SPAG17: variants seen among roughly 807,000 people sequenced by gnomAD.
The protein encoded by SPAG17 is sperm associated antigen 17, also known as sperm-associated antigen 17.
Under a neutral mutation model 273.6 loss-of-function variants are expected in SPAG17, and 169 were observed. The observed-to-expected ratio is 0.62, with a 90% confidence interval of 0.55 to 0.70. The LOEUF (loss-of-function observed/expected upper bound fraction) is 0.70. Among genes scored for constraint, SPAG17 ranks in the 30% least tolerant of loss-of-function variants. The pLI is 0.00. For synonymous variants in SPAG17, 825 were observed against 873.2 expected (o/e 0.94, Z 0.97); for missense variants, 2,557 against 2,627.8 (o/e 0.97, Z 0.59).
At chr1:118,121,933 T>C (rs537334549) in intron 3 of SPAG17, among the ~76,000 whole-genome samples, 22 of 152,356 alleles carry the variant, frequency 1.4e-4, no homozygotes, top group Admixed American at 1.4e-3. Flanking sequence ...TCTATCTAAT[T>C]ATCCTGCAGC....
chr1:117,955,292 T>A, intron 48 of SPAG17: 2 of 1,601,922 alleles, frequency 1.2e-6, no homozygotes, highest in Non-Finnish European at 1.7e-6. Context: ...GTATCACTAA[T>A]GGTATTAATC....
chr1:118,021,197 A>C (rs962773229), intron 28 of SPAG17, among the ~76,000 whole-genome samples: 4 of 152,204 alleles, frequency 2.6e-5, no homozygotes, highest in Admixed American at 2.6e-4. Flanking sequence ...ATATCAATTA[A>C]ATTAATATCA....
rs373068220 is a variant in SPAG17 at position 118,081,206 on chromosome 1, T to C, written c.2104A>G (p.Met702Val). The C allele has an allele frequency of 1.3e-4, 207 of 1,614,016 alleles. 4 individuals are homozygous for C. The South Asian group carries it at 1.4e-3, about 11-fold the overall frequency. The stretch of plus-strand genomic sequence containing the variant: ...AGATTATTCAAGTCAGAATGCTTCA[T>C]ATTGTTAGCATCACACTGACTAGGA... ...SDPSQCDANN[M>V]KHSDLNNLKL... is the part of the protein sequence containing the mutation. The change falls in exon 15 of 49, where the codon ATG becomes GTG. Residue 702 changes from methionine (M) to valine (V), a missense_variant. Coordinates refer to ENST00000336338, the MANE Select transcript of SPAG17 (RefSeq NM_206996.4).
In SPAG17 at chr1:118,107,171, G is replaced by T. The variant is rs542979534; in HGVS notation, c.448-5245C>A. ...ACACACAACTGTGGTAGAGAGTGCT[G>T]GTCTGACTTCAAACCCTAAACTCAT... On this transcript the variant is annotated intron_variant, in intron 4 of 48. Coordinates refer to ENST00000336338, the MANE Select transcript of SPAG17 (RefSeq NM_206996.4). Among the ~76,000 whole-genome samples the T allele has an allele frequency of 4.8e-4, 73 of 152,192 alleles. 1 individual carries two copies. The highest frequency in any genetic ancestry group is 4.8e-3 in the Admixed American group (73 of 15,282).
intron 48 of SPAG17, chr1:117,959,575 G>A (rs756952403): frequency 3.8e-6 from 4 of 1,056,482 alleles, no homozygotes; most frequent in Non-Finnish European, 5.1e-6. Context: ...ATGATATCAG[G>A]ATGTGGTTTC....
chr1:118,091,210 G>A (rs1655348940), intron 10 of SPAG17, among the ~76,000 whole-genome samples: 1 of 152,064 alleles, frequency 6.6e-6, no homozygotes, highest in African/African-American at 2.4e-5. Context: ...AAAAGCTGAT[G>A]ACAAAAATTG....
chr1:117,955,506 T>C (rs983082564), intron 48 of SPAG17: 2 of 744,184 alleles, frequency 2.7e-6, no homozygotes, highest in Non-Finnish European at 4.1e-6. Flanking sequence ...TAATTTATAA[T>C]GTTCTTTTTG....
intron 35 of SPAG17, 134 bp from the exon 36 acceptor site, chr1:117,992,782 T>A: frequency 2.5e-6 from 2 of 799,874 alleles, no homozygotes; most frequent in Non-Finnish European, 3.7e-6. Context: ...AAAAAATCCT[T>A]AACCTCAAAA....
intron 32 of SPAG17, among the ~76,000 whole-genome samples, chr1:118,004,914 C>G: frequency 6.6e-6 from 1 of 152,194 alleles, no homozygotes; most frequent in East Asian, 1.9e-4. Flanking sequence ...CTGGGAGCTG[C>G]AGATTGGAGC....
intron 48 of SPAG17, chr1:117,958,791 A>G: frequency 1.6e-6 from 1 of 637,138 alleles, no homozygotes; most frequent in Non-Finnish European, 2.5e-6. Flanking sequence ...TTTGCTCGAA[A>G]CATTTCTATA....
At chr1:118,156,049 T>C (rs550439112) in intron 1 of SPAG17, among the ~76,000 whole-genome samples, 1 of 152,382 alleles carries the variant, frequency 6.6e-6, no homozygotes, top group South Asian at 2.1e-4. Flanking sequence ...TTAACGACCA[T>C]GCTATGCACT....
chr1:117,953,638 G>A lies in SPAG17; in HGVS notation c.*412C>T, dbSNP rs982752039. ...TATCAACCAGAAAGCCATTTTTTTG[G>A]CAAAAAGTTGATGAGATTTAAAGAT... On this transcript the variant is annotated 3_prime_UTR_variant, in exon 49 of 49. Coordinates refer to ENST00000336338, the MANE Select transcript of SPAG17 (RefSeq NM_206996.4). 2 of 1,256,660 alleles carry A rather than the reference G, an allele frequency of 1.6e-6. No individual in the cohort carries two copies. Among genetic ancestry groups the A allele is most frequent in the African/African-American group, 1.5e-5 (1 of 65,430 alleles). The allele number at this position is 1,256,660 out of a possible 1,614,324, so 77.8% of individuals were successfully genotyped here. A position where few individuals can be genotyped will look rare whatever the true frequency, so the allele number is the denominator to read the frequency against.
intron 34 of SPAG17, among the ~76,000 whole-genome samples, chr1:117,995,735 C>CATAT (rs113958878): frequency 6.7e-6 from 1 of 149,512 alleles, no homozygotes; most frequent in African/African-American, 2.5e-5. Flanking sequence ...CACACACACA[C>CATAT]AAACCTAGGC....
chr1:118,025,157 T>C (rs1647585942), intron 27 of SPAG17, 81 bp downstream of exon 27: 1 of 1,246,860 alleles, frequency 8.0e-7, no homozygotes, highest in Non-Finnish European at 1.1e-6. Flanking sequence ...TCCTTTTCCC[T>C]GTTATAGAAC....
intron 3 of SPAG17, among the ~76,000 whole-genome samples, chr1:118,131,174 T>C (rs1658033182): frequency 1.3e-5 from 2 of 152,234 alleles, no homozygotes. Context: ...AAAATTCTTT[T>C]TGTGGCTTCA....
At chr1:118,047,317 A>T (rs1018057917) in intron 20 of SPAG17, among the ~76,000 whole-genome samples, 8 of 152,198 alleles carry the variant, frequency 5.3e-5, no homozygotes, top group African/African-American at 1.9e-4. Flanking sequence ...CCTTCACAAG[A>T]GCCAGGAAAA....
At chr1:118,110,366 G>GA (rs1169461509) in intron 4 of SPAG17, among the ~76,000 whole-genome samples, 4 of 152,048 alleles carry the variant, frequency 2.6e-5, no homozygotes, top group Admixed American at 6.5e-5. Context: ...AAAACAGAAA[G>GA]AAAAATGCCA....
Position 118,001,701 on chromosome 1 carries a change from T to A in SPAG17, c.4776+3713A>T, listed in dbSNP as rs182487414. ...TCATTTTTTATTGTGTCTATTTGAT[T>A]CTTCTCTCTTTTCTGCTTTATTAGT... On this transcript the variant is annotated intron_variant, in intron 32 of 48. Transcript: ENST00000336338. 2.8e-3 allele frequency among the ~76,000 whole-genome samples: 420 copies of A among 152,332 alleles called. 1 individual carries two copies. Among genetic ancestry groups the A allele is most frequent in the Middle Eastern group, 0.017 (5 of 294 alleles).
intron 2 of SPAG17, among the ~76,000 whole-genome samples, 160 bp downstream of exon 2, chr1:118,151,068 GA>G (rs1659350897): frequency 6.6e-6 from 1 of 152,132 alleles, no homozygotes; most frequent in Admixed American, 6.5e-5. Flanking sequence ...AATTCTTCCA[GA>G]TTGAACAACT....
Sources: gnomAD v4.1 joint callset for allele counts (sites outside exome capture counted in the v4.1 genomes callset) on GRCh38, gnomAD v4.1.1 for gene constraint, MANE v1.5 for transcripts, NCBI Gene and HGNC (gene_info 2026-07-23, HGNC 2026-07-21) for gene names.